HERC6: variants seen among roughly 807,000 people sequenced by gnomAD.
HERC6 encodes probable E3 ubiquitin-protein ligase HERC6.
HERC6 carries 101 observed loss-of-function variants against 114.5 expected under a neutral mutation model. That is an observed-to-expected ratio of 0.88 (90% CI 0.75 to 1.04). HERC6 has a LOEUF of 1.04. Among genes scored for constraint, HERC6 ranks in the 50% least tolerant of loss-of-function variants. The pLI is 0.00. For synonymous variants in HERC6, 408 were observed against 436.2 expected, an observed-to-expected ratio of 0.94 and a Z score of 0.81; for missense variants, 1,133 against 1,230.9, an observed-to-expected ratio of 0.92 and a Z score of 1.19.
At position 88,390,818 on chromosome 4, in the gene HERC6, T is replaced by G. The variant is rs1734876425; in HGVS notation, c.603T>G (p.Thr201=). ...GCTTTGCCCTGTCTCTCTGTGGGAC[T>G]TCGTTTGGCTGGGGAAGTAACAGTG... The part of the protein sequence containing the change: ...AHSFALSLCG[T]SFGWGSNSAG... The change falls in exon 4 of 23, where the codon ACT becomes ACG. Residue 201 remains threonine (T), a synonymous_variant. Transcript: ENST00000264346. 6.2e-7 allele frequency: 1 copy of G among 1,614,108 alleles called. No individual in the cohort carries two copies. The highest frequency in any genetic ancestry group is 1.3e-5 in the African/African-American group (1 of 75,028).
intron 22 of HERC6, among the ~76,000 whole-genome samples, chr4:88,441,780 A>G (rs780569323): frequency 1.8e-4 from 28 of 152,214 alleles, no homozygotes; most frequent in Non-Finnish European, 3.1e-4. Flanking sequence ...GATTCAGCCC[A>G]GTGGTTCAGC....
At chr4:88,440,294 T>A in intron 22 of HERC6, 44 bp downstream of exon 22, 1 of 1,097,654 alleles carries the variant, frequency 9.1e-7, no homozygotes, top group Non-Finnish European at 1.4e-6. Context: ...ATGTATCTTT[T>A]AAAAAGGTAC....
At chr4:88,386,265 G>A (rs1734576459) in intron 3 of HERC6, among the ~76,000 whole-genome samples, 1 of 150,430 alleles carries the variant, frequency 6.6e-6, no homozygotes, top group Non-Finnish European at 1.5e-5. Flanking sequence ...GAGTGTGGTG[G>A]CACGATCTCA....
At chr4:88,398,363 T>C (rs1181113126) in intron 8 of HERC6, 154 bp downstream of exon 8, 3 of 442,488 alleles carry the variant, frequency 6.8e-6, no homozygotes, top group African/African-American at 2.1e-5. Context: ...TATTACATAA[T>C]TCTCACTTCC....
At chr4:88,379,183 TACCGGGCGCAGGGA>T in intron 1 of HERC6, 63 bp downstream of exon 1, 1 of 1,310,982 alleles carries the variant, frequency 7.6e-7, no homozygotes, top group South Asian at 1.5e-5. Context: ...GGGGCTTGGG[TACCGGGCGCAGGGA>T]ACCGGGTGCG....
At chr4:88,402,193 GA>G (rs144637316) in intron 8 of HERC6, among the ~76,000 whole-genome samples, 8,542 of 152,274 alleles carry the variant, frequency 0.056, 334 homozygotes, top group Middle Eastern at 0.11. Flanking sequence ...GATGGTCAGA[GA>G]AGAGAACATT....
chr4:88,389,738 T>C (rs1213055038), intron 3 of HERC6, among the ~76,000 whole-genome samples: 2 of 152,236 alleles, frequency 1.3e-5, no homozygotes, highest in Non-Finnish European at 2.9e-5. Flanking sequence ...TTTTACCTTT[T>C]AAAGATTTGT....
chr4:88,380,364 AAT>A (rs1486597586), intron 1 of HERC6, among the ~76,000 whole-genome samples: 1 of 29,276 alleles, frequency 3.4e-5, no homozygotes, highest in African/African-American at 2.2e-4. Flanking sequence ...ATATATATAT[AAT>A]ATATAAATAT....
chr4:88,428,581 T>A lies in HERC6; in HGVS notation c.1937T>A (p.Met646Lys). 1 of 1,578,310 alleles carries A rather than the reference T, an allele frequency of 6.3e-7. No individual in the cohort carries two copies. Among genetic ancestry groups the A allele is most frequent in the South Asian group, 1.2e-5 (1 of 83,134 alleles). The change falls in exon 16 of 23, where the codon ATG becomes AAG. Residue 646 changes from methionine (M) to lysine (K), a missense_variant and splice_region_variant. By Grantham distance (95) the Met-to-Lys change is moderately conservative (BLOSUM62 -1). Coordinates refer to ENST00000264346, the MANE Select transcript of HERC6 (RefSeq NM_017912.4). The part of the protein sequence containing the change: ...LQADSHIKMQ[M>K]SEKKAYMLMH... ...CAACTAAAAAATTTATTTTTCCAGA[T>A]GTCAGAAAAGAAAGCATACATGCTT...
At position 88,396,026 on chromosome 4, in the gene HERC6, G is replaced by A; in HGVS notation, c.771G>A (p.Val257=). The change falls in exon 6 of 23, where the codon GTG becomes GTA. Residue 257 remains valine (V), a synonymous_variant. Transcript: ENST00000264346. ...HTAVLTQDGK[V]FTFGDNRSGQ... is the part of the protein sequence containing the mutation. ...CCTTTGCTAAGCAGGACGGGAAAGT[G>A]TTCACATTTGGAGACAATCGCTCTG... is the stretch of plus-strand genomic sequence containing the variant. 6.3e-7 allele frequency: 1 copy of A among 1,594,400 alleles called. No homozygotes were observed. The highest frequency in any genetic ancestry group is 8.5e-7 in the Non-Finnish European group (1 of 1,170,940).
At chr4:88,407,381 TTTTG>T (rs200401902) in intron 10 of HERC6, among the ~76,000 whole-genome samples, 2,793 of 152,020 alleles carry the variant, frequency 0.018, 87 homozygotes, top group African/African-American at 0.064. Context: ...ATGCTCGGCA[TTTTG>T]TTTGTTTGTT....
At chr4:88,407,909 A>G in intron 10 of HERC6, among the ~76,000 whole-genome samples, 1 of 152,150 alleles carries the variant, frequency 6.6e-6, no homozygotes, top group South Asian at 2.1e-4. Flanking sequence ...GAGGTCTTTC[A>G]ATATGAGAGG....
At chr4:88,436,829 C>G in intron 18 of HERC6, 76 bp from the exon 19 acceptor site, 2 of 1,002,982 alleles carry the variant, frequency 2.0e-6, no homozygotes, top group Middle Eastern at 2.6e-4. Context: ...TTGTTCACAA[C>G]TTTTTCCATT....
chr4:88,379,089 C>A lies in HERC6; in HGVS notation c.168C>A (p.Gly56=), dbSNP rs61978650. ...GAGACAACAGCAGGGGTCAGCTGGGCCGCAGGGGCGCGCAGCGCGGGGAGC... is the reference window on the plus strand; with the variant it reads ...GAGACAACAGCAGGGGTCAGCTGGGACGCAGGGGCGCGCAGCGCGGGGAGC... ...SCGDNSRGQL[G]RRGAQRGELP... is the part of the protein sequence containing the mutation. The change falls in exon 1 of 23, where the codon GGC becomes GGA. Residue 56 remains glycine, a synonymous_variant. Coordinates refer to ENST00000264346, the MANE Select transcript of HERC6 (RefSeq NM_017912.4). 269,456 of 1,546,758 alleles carry A rather than the reference C, an allele frequency of 0.17. 25,094 individuals carry two copies. The highest frequency in any genetic ancestry group is 0.19 in the Non-Finnish European group (219,237 of 1,147,446).
rs761163110 is a variant in HERC6 at position 88,379,113 on chromosome 4, G to A, written c.192G>A (p.Glu64=). ...GCCGCAGGGGCGCGCAGCGCGGGGA[G>A]CTGCCAGGTGAGCGGGGGGCCCCAG... ...QLGRRGAQRG[E]LPEPIQALET... Residue 64 remains glutamate, a synonymous_variant, in exon 1 of 23, where the codon GAG becomes GAA. Coordinates refer to ENST00000264346, the MANE Select transcript of HERC6 (RefSeq NM_017912.4). 1.3e-6 allele frequency: 2 copies of A among 1,541,716 alleles called. No individual in the cohort carries two copies.
At chr4:88,402,995 G>T (rs545430261) in intron 8 of HERC6, among the ~76,000 whole-genome samples, 2 of 152,204 alleles carry the variant, frequency 1.3e-5, no homozygotes, top group South Asian at 2.1e-4. Context: ...AAACCAAAAT[G>T]ATGCAGGATT....
chr4:88,409,455 T>A (rs970341707), intron 11 of HERC6, among the ~76,000 whole-genome samples: 3 of 152,244 alleles, frequency 2.0e-5, no homozygotes, highest in Admixed American at 2.0e-4. Flanking sequence ...ATGAAATTAC[T>A]ATATTCCAGG....
intron 9 of HERC6, 85 bp downstream of exon 9, chr4:88,405,082 T>C: frequency 2.0e-6 from 3 of 1,512,998 alleles, no homozygotes; most frequent in Non-Finnish European, 2.7e-6. Flanking sequence ...GTTTTGGTTT[T>C]GTTGTGAAGG....
At chr4:88,386,132 C>A (rs942184210) in intron 3 of HERC6, among the ~76,000 whole-genome samples, 1 of 151,876 alleles carries the variant, frequency 6.6e-6, no homozygotes, top group Non-Finnish European at 1.5e-5. Flanking sequence ...TCTTTGGGAA[C>A]CTGCAAATTA....
Sources: gnomAD v4.1 joint callset for allele counts (sites outside exome capture counted in the v4.1 genomes callset) on GRCh38, gnomAD v4.1.1 for gene constraint, MANE v1.5 for transcripts, NCBI Gene and HGNC (gene_info 2026-07-23, HGNC 2026-07-21) for gene names.